Variants in GXYLT1 observed in about 807,000 individuals in gnomAD.
The protein encoded by GXYLT1 is glucoside xylosyltransferase 1.
GXYLT1 carries 29 observed loss-of-function variants against 54.0 expected under a neutral mutation model. The observed-to-expected ratio is 0.54, with a 90% CI of 0.40 to 0.73. The LOEUF (loss-of-function observed/expected upper bound fraction) is 0.73. GXYLT1 is among the 30% of genes least tolerant of loss of function. The pLI, the probability that GXYLT1 is intolerant of heterozygous loss-of-function variation, is 0.00. For synonymous variants in GXYLT1, 176 were observed against 204.1 expected (o/e 0.86, Z 1.17); for missense variants, 490 against 553.4 (o/e 0.89, Z 1.15).
At position 42,098,101 on chromosome 12, in the gene GXYLT1, C is replaced by CCACA. The variant is rs1190211796; in HGVS notation, c.865-69_865-68insTGTG. On this transcript the variant is annotated intron_variant, in intron 5 of 7. Transcript: ENST00000398675. ...TAAAATGGCAGCATGATGACAGTTCCTCATTCTTCCCACAGCAACCATTAC... is the reference window on the plus strand; with the variant it reads ...TAAAATGGCAGCATGATGACAGTTCCCACATCATTCTTCCCACAGCAACCATTAC... 7.0e-5 allele frequency: 99 copies of CCACA among 1,413,428 alleles called. 1 individual carries two copies. The East Asian group carries it at 9.6e-4, about 14-fold the overall frequency. The allele number at this position is 1,413,428 out of a possible 1,614,324, so 87.6% of individuals were successfully genotyped here. A position where few individuals can be genotyped will look rare whatever the true frequency, so the allele number is the denominator to read the frequency against.
At chr12:42,100,446 T>C (rs1175491546) in intron 5 of GXYLT1, among the ~76,000 whole-genome samples, 1 of 152,126 alleles carries the variant, frequency 6.6e-6, no homozygotes, top group Non-Finnish European at 1.5e-5. Context: ...AAAATTAATC[T>C]TTTGCCATAG....
Position 42,105,949 on chromosome 12 carries a change from C to T in GXYLT1, c.733G>A (p.Ala245Thr), listed in dbSNP as rs1173351357. 6.2e-7 allele frequency: 1 copy of T among 1,613,956 alleles called. No individual in the cohort carries two copies. Among genetic ancestry groups the T allele is most frequent in the African/African-American group, 1.3e-5 (1 of 74,926 alleles). The change falls in exon 5 of 8, where the codon GCA becomes ACA. Residue 245 changes from alanine (A) to threonine (T), a missense_variant. Physicochemically the swap from Ala to Thr is moderately conservative, Grantham distance 58. Transcript: ENST00000398675. The stretch of plus-strand genomic sequence containing the variant: ...ATTCGAGGTTCCTCATGTTCTGGTG[C>T]CATTGCAGCAATTTGTGTGGAATTA... ...KFNSTQIAAM[A>T]PEHEEPRIGW... is the part of the protein sequence containing the mutation.
chr12:42,144,385 C>T, intron 1 of GXYLT1, 41 bp downstream of exon 1: 1 of 1,305,570 alleles, frequency 7.7e-7, no homozygotes, highest in Non-Finnish European at 9.9e-7. Flanking sequence ...CGCCCAGCGC[C>T]CCGCGCCCGC....
intron 2 of GXYLT1, among the ~76,000 whole-genome samples, chr12:42,122,371 T>G (rs553953527): frequency 2.0e-4 from 31 of 152,138 alleles, no homozygotes; most frequent in African/African-American, 7.2e-4. Flanking sequence ...GGGTGAATCA[T>G]TTGAGGTCAA....
intron 1 of GXYLT1, among the ~76,000 whole-genome samples, chr12:42,142,860 G>A (rs1384534103): frequency 3.9e-5 from 6 of 152,018 alleles, no homozygotes; most frequent in Admixed American, 2.6e-4. Context: ...TACAAAGAGA[G>A]ATAAATACAC....
At chr12:42,100,111 A>G (rs996536250) in intron 5 of GXYLT1, among the ~76,000 whole-genome samples, 4 of 152,186 alleles carry the variant, frequency 2.6e-5, no homozygotes, top group Non-Finnish European at 5.9e-5. Context: ...TAAATACTTA[A>G]GGGAGCAAGA....
At chr12:42,101,303 G>C (rs78912264) in intron 5 of GXYLT1, among the ~76,000 whole-genome samples, 1,835 of 152,146 alleles carry the variant, frequency 0.012, 22 homozygotes, top group Middle Eastern at 0.02. Flanking sequence ...CAAATTATAA[G>C]AAAAGATTTT....
At chr12:42,127,341 C>T (rs1417678516) in intron 2 of GXYLT1, among the ~76,000 whole-genome samples, 3 of 117,682 alleles carry the variant, frequency 2.5e-5, no homozygotes, top group African/African-American at 6.0e-5. Context: ...TTATATGACA[C>T]AAAATGTTTG....
chr12:42,096,170 G>A (rs1288812887), intron 7 of GXYLT1, among the ~76,000 whole-genome samples: 1 of 152,144 alleles, frequency 6.6e-6, no homozygotes, highest in African/African-American at 2.4e-5. Flanking sequence ...AACATCATGT[G>A]TGCACGCTTA....
intron 1 of GXYLT1, among the ~76,000 whole-genome samples, chr12:42,142,319 T>C (rs910305996): frequency 4.6e-5 from 7 of 151,696 alleles, no homozygotes; most frequent in Non-Finnish European, 7.4e-5. Context: ...CCGTATCTCA[T>C]GGTGGCCAAA....
At chr12:42,118,160 G>A (rs2065508193) in intron 3 of GXYLT1, among the ~76,000 whole-genome samples, 1 of 152,134 alleles carries the variant, frequency 6.6e-6, no homozygotes, top group Non-Finnish European at 1.5e-5. Flanking sequence ...TGGGTTTTCT[G>A]CCACTGCTGC....
chr12:42,124,019 A>C (rs2065546559), intron 2 of GXYLT1, among the ~76,000 whole-genome samples: 1 of 151,822 alleles, frequency 6.6e-6, no homozygotes, highest in African/African-American at 2.4e-5. Context: ...TTACATATAA[A>C]ACACTTTCAA....
At chr12:42,098,200 TACAGTA>T (rs1400154398) in intron 5 of GXYLT1, among the ~76,000 whole-genome samples, 167 bp from the exon 6 acceptor site, 2 of 152,116 alleles carry the variant, frequency 1.3e-5, no homozygotes, top group Non-Finnish European at 2.9e-5. Flanking sequence ...AGAAGGGCTG[TACAGTA>T]AAACAGAAGA....
chr12:42,113,141 T>G (rs1358765187), intron 3 of GXYLT1, among the ~76,000 whole-genome samples: 1 of 150,752 alleles, frequency 6.6e-6, no homozygotes, highest in East Asian at 1.9e-4. Context: ...GCACTAAACA[T>G]GGAAAGGAAC....
At chr12:42,144,357 C>G (rs1268176698) in intron 1 of GXYLT1, 69 bp downstream of exon 1, 1 of 1,049,804 alleles carries the variant, frequency 9.5e-7, no homozygotes, top group Non-Finnish European at 1.2e-6. Flanking sequence ...GCGAGCAGCC[C>G]GGGCTAGGCC....
intron 3 of GXYLT1, among the ~76,000 whole-genome samples, chr12:42,110,991 G>A (rs904221561): frequency 2.0e-5 from 3 of 152,210 alleles, no homozygotes; most frequent in African/African-American, 7.2e-5. Flanking sequence ...TCAGCCAGGT[G>A]TAAACACAAC....
At chr12:42,142,032 AAAAG>A (rs2065654821) in intron 1 of GXYLT1, among the ~76,000 whole-genome samples, 1 of 152,216 alleles carries the variant, frequency 6.6e-6, no homozygotes, top group Non-Finnish European at 1.5e-5. Context: ...GTTTAAAATA[AAAAG>A]AGAGAAATAG....
intron 2 of GXYLT1, among the ~76,000 whole-genome samples, chr12:42,122,867 T>C (rs1481083612): frequency 1.3e-5 from 2 of 152,164 alleles, no homozygotes; most frequent in Non-Finnish European, 2.9e-5. Context: ...GAACATCACC[T>C]TAACCATGTG....
At chr12:42,136,674 A>G (rs898683352) in intron 1 of GXYLT1, among the ~76,000 whole-genome samples, 2 of 152,174 alleles carry the variant, frequency 1.3e-5, no homozygotes, top group Non-Finnish European at 2.9e-5. Flanking sequence ...ATGTATTTAC[A>G]TGTGATAAAA....
Sources: gnomAD v4.1 joint callset for allele counts (sites outside exome capture counted in the v4.1 genomes callset) on GRCh38, gnomAD v4.1.1 for gene constraint, MANE v1.5 for transcripts, NCBI Gene and HGNC (gene_info 2026-07-23, HGNC 2026-07-21) for gene names.